Variants in SLC7A10 observed in about 807,000 individuals in gnomAD.
SLC7A10 encodes asc-type amino acid transporter 1.
Under a neutral mutation model 52.7 loss-of-function variants are expected in SLC7A10, and 30 were observed. That is an observed-to-expected ratio of 0.57 (90% CI 0.43 to 0.77). The LOEUF (loss-of-function observed/expected upper bound fraction) is 0.77. Among genes scored for constraint, SLC7A10 ranks in the 30% least tolerant of loss-of-function variants. SLC7A10 has a pLI of 0.00. For missense variants in SLC7A10, 581 were observed against 698.5 expected, an observed-to-expected ratio of 0.83 and a Z score of 1.90; for synonymous variants, 318 against 314.9, an observed-to-expected ratio of 1.01 and a Z score of -0.10.
In SLC7A10 at chr19:33,219,546, C is replaced by T. The variant is rs543667944; in HGVS notation, c.152-3573G>A. Among the ~76,000 whole-genome samples the T allele has an allele frequency of 1.2e-4, 18 of 152,336 alleles. No individual in the cohort carries two copies. The East Asian group carries it at 1.9e-3, about 16-fold the overall frequency. On this transcript the variant is annotated intron_variant, in intron 1 of 10. Coordinates refer to ENST00000253188, the MANE Select transcript of SLC7A10 (RefSeq NM_019849.3). ...CATGCCTTGAAGCACATTCTGGACCCGACTGTGTGACTCAGGCCAGTGCTG... is the reference window on the plus strand; with the variant it reads ...CATGCCTTGAAGCACATTCTGGACCTGACTGTGTGACTCAGGCCAGTGCTG...
chr19:33,211,639 G>A, intron 5 of SLC7A10, 102 bp from the exon 6 acceptor site: 5 of 1,595,888 alleles, frequency 3.1e-6, no homozygotes, highest in Non-Finnish European at 4.3e-6. Flanking sequence ...TCTTGTGTCT[G>A]CTGGGGATGT....
chr19:33,215,654 A>AGCCCCCACACCTTCCCTCCATCCC, intron 2 of SLC7A10, 115 bp downstream of exon 2: 1 of 716,182 alleles, frequency 1.4e-6, no homozygotes, highest in South Asian at 3.4e-5. Context: ...CTCTCCATCC[A>AGCCCCCACACCTTCCCTCCATCCC]CCCCCACGAC....
At position 33,208,994 on chromosome 19, in the gene SLC7A10, A is replaced by G; in HGVS notation, c.1469T>C (p.Leu490Pro). Reference protein sequence around the residue: ...TESMTHWGQELCFVVYPQDAP... With the variant: ...TESMTHWGQEPCFVVYPQDAP... ...GTCCTGGGGGTAGACCACGAAACAC[A>G]GCTCCTGGCCCCAGTGTGTCATGGA... The change falls in exon 11 of 11, where the codon CTG (leucine) becomes CCG (proline). Residue 490 changes from leucine (L) to proline (P), a missense_variant. Transcript: ENST00000253188. This position sits in a 1 kb window ranked among gnomAD's most constrained non-coding sequence, Gnocchi z 4.7. 1 of 1,613,788 alleles carries G rather than the reference A, an allele frequency of 6.2e-7. No individual in the cohort carries two copies. Among genetic ancestry groups the G allele is most frequent in the Non-Finnish European group, 8.5e-7 (1 of 1,180,006 alleles).
chr19:33,213,824 A>G (rs1974611945), intron 2 of SLC7A10, among the ~76,000 whole-genome samples: 1 of 152,118 alleles, frequency 6.6e-6, no homozygotes, highest in Admixed American at 6.5e-5. Flanking sequence ...TTCTACCTAA[A>G]TCTTGCCTCT....
chr19:33,211,526 C>T lies in SLC7A10; in HGVS notation c.800G>A (p.Arg267His), dbSNP rs140327934. The change falls in exon 6 of 11, where the codon CGC (arginine) becomes CAC (histidine). Residue 267 changes from arginine to histidine, a missense_variant. Physicochemically the swap from Arg to His is conservative, Grantham distance 29 (BLOSUM62 0). Coordinates refer to ENST00000253188, the MANE Select transcript of SLC7A10 (RefSeq NM_019849.3). Reference protein sequence around the residue: ...EMVDARKNLPRAIFISIPLVT... With the variant: ...EMVDARKNLPHAIFISIPLVT... ...CAGTGGGATGGAGATGAAGATGGCG[C>T]GAGGTAGGTTCCTGGTGACAGGCAG... The T allele has an allele frequency of 4.4e-4, 705 of 1,614,080 alleles. 1 individual carries two copies. In the African/African-American group the frequency reaches 5.5e-3, roughly 12 times the overall value.
intron 2 of SLC7A10, among the ~76,000 whole-genome samples, chr19:33,213,791 G>A (rs376608299): frequency 1.3e-5 from 2 of 152,270 alleles, no homozygotes; most frequent in African/African-American, 4.8e-5. Context: ...CCCTAGCTGG[G>A]GGTGGAGAGT....
intron 2 of SLC7A10, among the ~76,000 whole-genome samples, chr19:33,213,488 C>G (rs562231675): frequency 1.2e-4 from 18 of 152,110 alleles, no homozygotes; most frequent in Admixed American, 3.9e-4. Flanking sequence ...CGGAGTTTCA[C>G]CGTGTTAGCC....
intron 2 of SLC7A10, among the ~76,000 whole-genome samples, chr19:33,214,914 G>T (rs1015889032): frequency 6.6e-6 from 1 of 152,128 alleles, no homozygotes; most frequent in Non-Finnish European, 1.5e-5. Flanking sequence ...CCAGGCTCAC[G>T]GTAGGTGCTC....
chr19:33,211,946 A>G, intron 5 of SLC7A10: 1 of 483,602 alleles, frequency 2.1e-6, no homozygotes. Flanking sequence ...TCCCTGGCCG[A>G]GCATCAGACG....
At chr19:33,225,440 G>C in intron 1 of SLC7A10, 113 bp downstream of exon 1, 1 of 1,324,450 alleles carries the variant, frequency 7.6e-7, no homozygotes, top group Non-Finnish European at 1.1e-6. Context: ...CCAGACTGCA[G>C]GTTCCCCAGG....
At chr19:33,211,699 T>C in intron 5 of SLC7A10, 162 bp from the exon 6 acceptor site, 1 of 1,384,474 alleles carries the variant, frequency 7.2e-7, no homozygotes, top group Non-Finnish European at 9.8e-7. Context: ...GGGACCCTGT[T>C]GTCTGCCCTG....
chr19:33,215,995 G>A (rs770027771), intron 1 of SLC7A10, 22 bp from the exon 2 acceptor site: 1 of 1,558,570 alleles, frequency 6.4e-7, no homozygotes, highest in South Asian at 1.2e-5. Flanking sequence ...GAGATGGGGA[G>A]GCATCAGGCC....
intron 10 of SLC7A10, 61 bp from the exon 11 acceptor site, chr19:33,209,082 C>G (rs1009055688): frequency 6.2e-7 from 1 of 1,607,516 alleles, no homozygotes; most frequent in African/African-American, 1.3e-5. Context: ...ACCCCCAGCT[C>G]CGGACACCTC....
intron 10 of SLC7A10, 136 bp from the exon 11 acceptor site, chr19:33,209,157 C>T: frequency 6.5e-7 from 1 of 1,532,468 alleles, no homozygotes; most frequent in Non-Finnish European, 8.9e-7. Flanking sequence ...ACTTTGGGTA[C>T]ATCTTGGGAA....
rs188683557 is a variant in SLC7A10, at chr19:33,211,580, G to T, written c.789-43C>A. 5.3e-4 allele frequency: 847 copies of T among 1,612,880 alleles called. 8 individuals carry two copies. Among genetic ancestry groups the T allele is most frequent in the Non-Finnish European group, 6.7e-5 (79 of 1,179,820 alleles). ...AGTGCGTCAGCGTCAGCTCCTGAGG[G>T]TGCAGGACCCCCGAGACCCAGCCAC... is the stretch of plus-strand genomic sequence containing the variant. On this transcript the variant is annotated intron_variant, in intron 5 of 10. Coordinates refer to ENST00000253188, the MANE Select transcript of SLC7A10 (RefSeq NM_019849.3).
In SLC7A10 at chr19:33,208,717, G is replaced by C; in HGVS notation, c.*174C>G. 1.3e-6 allele frequency: 1 copy of C among 799,318 alleles called. No homozygotes were observed. Among genetic ancestry groups the C allele is most frequent in the Non-Finnish European group, 2.0e-6 (1 of 496,142 alleles). The allele number at this position is 799,318 out of a possible 1,614,324, so 49.5% of individuals were successfully genotyped here. A position where few individuals can be genotyped will look rare whatever the true frequency, so the allele number is the denominator to read the frequency against. On this transcript the variant is annotated 3_prime_UTR_variant, in exon 11 of 11. Coordinates refer to ENST00000253188, the MANE Select transcript of SLC7A10 (RefSeq NM_019849.3). The surrounding 1 kb of genome is among the most constrained non-coding windows in gnomAD (Gnocchi z 4.7). ...CTTTTCAGGAAGAGCTAGCAGGGCA[G>C]TGCTAAGACAGGAAACCCAGTCCAC...
At chr19:33,222,466 A>AG (rs1974833109) in intron 1 of SLC7A10, among the ~76,000 whole-genome samples, 1 of 88,632 alleles carries the variant, frequency 1.1e-5, no homozygotes, top group African/African-American at 5.3e-5. Context: ...AAATAAAATA[A>AG]ATAAAATAAA....
In SLC7A10 at chr19:33,212,395, G is replaced by T. The variant is rs752082906; in HGVS notation, c.685C>A (p.Pro229Thr). The T allele has an allele frequency of 1.2e-6, 2 of 1,613,916 alleles. No individual in the cohort carries two copies. Among genetic ancestry groups the T allele is most frequent in the Non-Finnish European group, 1.7e-6 (2 of 1,180,056 alleles). Residue 229 changes from proline to threonine, a missense_variant, in exon 5 of 11, where the codon CCC (proline) becomes ACC (threonine). Transcript: ENST00000253188. The part of the protein sequence containing the change: ...PSNAFAFWMT[P>T]SVGHLALAFL... The stretch of plus-strand genomic sequence containing the variant: ...GCCAGGGCCAGGTGTCCCACGGAGG[G>T]CGTCATCCAGAAAGCAAAGGCATTG...
intron 1 of SLC7A10, among the ~76,000 whole-genome samples, chr19:33,218,061 C>T (rs554645118): frequency 2.0e-5 from 3 of 152,282 alleles, no homozygotes; most frequent in South Asian, 2.1e-4. Flanking sequence ...TGGGATTTGC[C>T]GAAAGCCAGG....
Sources: gnomAD v4.1 joint callset for allele counts (sites outside exome capture counted in the v4.1 genomes callset) on GRCh38, gnomAD v4.1.1 for gene constraint, Gnocchi (gnomAD v3.1) non-coding constraint, MANE v1.5 for transcripts, NCBI Gene and HGNC (gene_info 2026-07-23, HGNC 2026-07-21) for gene names.